Variants in NBAS observed in about 807,000 individuals in gnomAD.
The protein encoded by NBAS is NAG/BC035112 fusion.
A neutral mutation model predicts 302.5 loss-of-function variants in NBAS; 219 were observed. That is an observed-to-expected ratio of 0.72 (90% confidence interval 0.65 to 0.81). The LOEUF (loss-of-function observed/expected upper bound fraction) is 0.81, where lower values mean the gene tolerates loss of function less well. NBAS is among the 30% of genes least tolerant of loss of function. The pLI, the probability that NBAS is intolerant of heterozygous loss-of-function variation, is 0.00. For synonymous variants in NBAS, 1,118 were observed against 1,021.6 expected (o/e 1.09, Z -1.80); for missense variants, 2,932 against 2,841.6 (o/e 1.03, Z -0.72).
rs146746351 is a variant in NBAS at position 15,476,886 on chromosome 2, T to G, written c.1148-1006A>C. On this transcript the variant is annotated intron_variant, in intron 13 of 51. Coordinates refer to ENST00000281513, the MANE Select transcript of NBAS (RefSeq NM_015909.4). ...TAAACCATAAATTTAACAACATATT[T>G]AAACATTAGACTAAGAAGAGAGAGA... is the stretch of plus-strand genomic sequence containing the variant. 3.3e-3 allele frequency among the ~76,000 whole-genome samples: 499 copies of G among 152,358 alleles called. 3 individuals are homozygous for G. The highest frequency in any genetic ancestry group is 6.0e-3 in the Non-Finnish European group (407 of 68,034).
At chr2:15,060,838 CAA>C in the NBAS span, among the ~76,000 whole-genome samples, 2 of 152,082 alleles carry the variant, frequency 1.3e-5, no homozygotes, top group Non-Finnish European at 2.9e-5. Flanking sequence ...GCCTTAATCA[CAA>C]GAGAAATAAG....
At chr2:15,360,325 T>G (rs1194834359) in intron 32 of NBAS, among the ~76,000 whole-genome samples, 2 of 107,686 alleles carry the variant, frequency 1.9e-5, no homozygotes, top group African/African-American at 6.5e-5. Context: ...TAGGTTACCA[T>G]AACTTAAAAA....
the NBAS span, among the ~76,000 whole-genome samples, chr2:15,104,474 G>A: frequency 3.3e-5 from 5 of 151,038 alleles, no homozygotes; most frequent in East Asian, 1.9e-4. Context: ...AGGAGCAAAC[G>A]GTGTTACAGG....
rs147463097 is a variant in NBAS at position 15,477,508 on chromosome 2, G to C, written c.1147+718C>G. Among the ~76,000 whole-genome samples, 721 of 152,236 alleles carry C rather than the reference G, an allele frequency of 4.7e-3. 8 individuals carry two copies. The highest frequency in any genetic ancestry group is 0.016 in the African/African-American group (670 of 41,536). On this transcript the variant is annotated intron_variant, in intron 13 of 51. Coordinates refer to ENST00000281513, the MANE Select transcript of NBAS (RefSeq NM_015909.4). ...ACTCCCGACCTCGGGTGATCCACCT[G>C]CCTTGGCCTCCCAAAATGCAGGCAA...
chr2:15,016,199 T>A, the NBAS span, among the ~76,000 whole-genome samples: 2 of 152,130 alleles, frequency 1.3e-5, no homozygotes, highest in East Asian at 3.9e-4. Flanking sequence ...ACATCTTACA[T>A]GGCAGCAGGC....
At chr2:15,224,086 A>G (rs191394506) in intron 47 of NBAS, among the ~76,000 whole-genome samples, 29 of 152,356 alleles carry the variant, frequency 1.9e-4, no homozygotes, top group African/African-American at 7.0e-4. Context: ...AAAGAACAGC[A>G]GCAGCAACCA....
chr2:14,916,131 G>A, the NBAS span, among the ~76,000 whole-genome samples: 1 of 152,066 alleles, frequency 6.6e-6, no homozygotes, highest in African/African-American at 2.4e-5. Context: ...AATACTATCA[G>A]GTTGTCATAC....
chr2:14,894,621 T>C, the NBAS span, among the ~76,000 whole-genome samples: 1 of 152,080 alleles, frequency 6.6e-6, no homozygotes, highest in African/African-American at 2.4e-5. Context: ...ACACTGAATA[T>C]TGATTTAACC....
intron 9 of NBAS, among the ~76,000 whole-genome samples, chr2:15,517,837 G>T (rs1027753583): frequency 3.9e-5 from 6 of 152,120 alleles, no homozygotes; most frequent in African/African-American, 1.4e-4. Flanking sequence ...AGACTGGGAG[G>T]TTCAGTTCGC....
chr2:15,399,360 C>T (rs958536214), intron 26 of NBAS, among the ~76,000 whole-genome samples: 1 of 152,142 alleles, frequency 6.6e-6, no homozygotes, highest in African/African-American at 2.4e-5. Flanking sequence ...TGTCACCCTC[C>T]AGGGAAAAGC....
At chr2:15,009,457 T>C in the NBAS span, among the ~76,000 whole-genome samples, 1 of 151,858 alleles carries the variant, frequency 6.6e-6, no homozygotes, top group Non-Finnish European at 1.5e-5. Context: ...AAAAATACTA[T>C]TTTCAGAGCC....
intron 44 of NBAS, among the ~76,000 whole-genome samples, chr2:15,245,644 TGGAC>T (rs1322849319): frequency 2.3e-4 from 34 of 149,206 alleles, no homozygotes; most frequent in Admixed American, 3.3e-4. Flanking sequence ...GATGGATGGA[TGGAC>T]GGACGGACGG....
intron 36 of NBAS, among the ~76,000 whole-genome samples, chr2:15,330,362 A>G (rs917359217): frequency 6.6e-6 from 1 of 152,234 alleles, no homozygotes; most frequent in Non-Finnish European, 1.5e-5. Context: ...AAATTCTGAT[A>G]TATAAACCGA....
the NBAS span, among the ~76,000 whole-genome samples, chr2:14,887,108 T>G: frequency 1.3e-5 from 2 of 152,086 alleles, no homozygotes; most frequent in Non-Finnish European, 2.9e-5. Flanking sequence ...CATGCTTTTT[T>G]AAACGATAGA....
chr2:15,165,201 T>C (rs1663986046), downstream of NBAS, among the ~76,000 whole-genome samples: 1 of 152,354 alleles, frequency 6.6e-6, no homozygotes. Context: ...AGCTGCAAGG[T>C]TACAGAAAAC....
At chr2:15,099,274 C>T in the NBAS span, among the ~76,000 whole-genome samples, 1 of 151,974 alleles carries the variant, frequency 6.6e-6, no homozygotes, top group Non-Finnish European at 1.5e-5. Flanking sequence ...CCAGCCTGGG[C>T]GACAGAGCAA....
chr2:15,502,333 A>G (rs968711398), intron 11 of NBAS, among the ~76,000 whole-genome samples: 1 of 152,266 alleles, frequency 6.6e-6, no homozygotes, highest in Non-Finnish European at 1.5e-5. Context: ...GAGCTCTTTC[A>G]GCTCTAAAAT....
the NBAS span, among the ~76,000 whole-genome samples, chr2:14,984,436 AG>A: frequency 2.6e-5 from 4 of 152,232 alleles, no homozygotes; most frequent in Admixed American, 2.0e-4. Flanking sequence ...AATACATTAA[AG>A]GTTGTGTGTT....
chr2:15,276,775 C>T (rs906988726), intron 43 of NBAS, 76 bp downstream of exon 43: 1 of 1,607,108 alleles, frequency 6.2e-7, no homozygotes, highest in African/African-American at 1.3e-5. Flanking sequence ...AATGCATGAA[C>T]AGGATTGTGT....
Sources: allele counts gnomAD v4.1 joint callset (sites outside exome capture counted in the v4.1 genomes callset), GRCh38; gene constraint gnomAD v4.1.1; transcripts MANE v1.5; gene names NCBI Gene and HGNC (gene_info 2026-07-23, HGNC 2026-07-21).